MGMT: variants seen among roughly 807,000 people sequenced by gnomAD.
The protein encoded by MGMT is methylated-DNA--protein-cysteine methyltransferase.
MGMT carries 14 observed loss-of-function variants against 15.9 expected under a neutral mutation model. The observed-to-expected ratio is 0.88, with a 90% confidence interval of 0.58 to 1.37. MGMT has a LOEUF of 1.37. MGMT is among the 40% of genes most tolerant of loss of function. The pLI is 0.00. For missense variants in MGMT, 282 were observed against 268.1 expected, an observed-to-expected ratio of 1.05 and a Z score of -0.36; for synonymous variants, 130 against 118.2, an observed-to-expected ratio of 1.10 and a Z score of -0.65.
intron 1 of MGMT, among the ~76,000 whole-genome samples, chr10:129,469,534 G>A (rs933999512): frequency 6.6e-6 from 1 of 152,148 alleles, no homozygotes; most frequent in South Asian, 2.1e-4. Context: ...TTTGACTTCC[G>A]TTTGGGACTC....
At position 129,659,410 on chromosome 10, in the gene MGMT, T is replaced by C. The variant is rs1847570518; in HGVS notation, c.126-48485T>C. ...GTAGCTGTCTCTGCCTGGGTTGTTTTCTAAATGCGTTTGGCTGGAGATAGA... is the reference window on the plus strand; with the variant it reads ...GTAGCTGTCTCTGCCTGGGTTGTTTCCTAAATGCGTTTGGCTGGAGATAGA... On this transcript the variant is annotated intron_variant, in intron 2 of 4. Transcript: ENST00000651593. This position sits in a 1 kb window ranked among gnomAD's most constrained non-coding sequence, Gnocchi z 4.1. 6.6e-6 allele frequency among the ~76,000 whole-genome samples: 1 copy of C among 151,604 alleles called. No individual in the cohort carries two copies. The highest frequency in any genetic ancestry group is 6.6e-5 in the Admixed American group (1 of 15,224).
intron 2 of MGMT, among the ~76,000 whole-genome samples, chr10:129,603,835 A>G (rs1398453148): frequency 6.6e-6 from 1 of 152,186 alleles, no homozygotes; most frequent in Non-Finnish European, 1.5e-5. Flanking sequence ...TTTTTATGTA[A>G]TTTGAAAGTA....
intron 2 of MGMT, among the ~76,000 whole-genome samples, chr10:129,689,272 T>C (rs532736358): frequency 6.5e-4 from 99 of 152,296 alleles, no homozygotes; most frequent in Non-Finnish European, 1.2e-3. Flanking sequence ...AGTCAGTCAC[T>C]TCTAGCTTTC....
intron 2 of MGMT, among the ~76,000 whole-genome samples, chr10:129,637,180 G>A (rs1589907262): frequency 6.6e-6 from 1 of 152,338 alleles, no homozygotes; most frequent in East Asian, 1.9e-4. Context: ...GCCTTCAAGA[G>A]TGTTTTTGTC....
intron 1 of MGMT, among the ~76,000 whole-genome samples, chr10:129,480,211 A>C (rs908312727): frequency 6.6e-6 from 1 of 152,124 alleles, no homozygotes; most frequent in South Asian, 2.1e-4. Context: ...ATTAAAAGGG[A>C]ATAGTGTTTT....
intron 1 of MGMT, among the ~76,000 whole-genome samples, chr10:129,520,454 A>T (rs1845790575): frequency 6.6e-6 from 1 of 152,046 alleles, no homozygotes; most frequent in African/African-American, 2.4e-5. Flanking sequence ...GCGAGTACAG[A>T]GCCCCTGTGG....
intron 1 of MGMT, among the ~76,000 whole-genome samples, chr10:129,477,547 T>C (rs1845309161): frequency 6.6e-6 from 1 of 152,138 alleles, no homozygotes; most frequent in African/African-American, 2.4e-5. Flanking sequence ...TTGATGGCCT[T>C]GGCAGAGAAA....
rs57838117 is a variant in MGMT at position 129,657,707 on chromosome 10, GCACACA to G, written c.126-50172_126-50167del. ...CACACACACACACACACACACACAC[GCACACA>G]CACACACACACACACCCCCTCTCCC... On this transcript the variant is annotated intron_variant, in intron 2 of 4. Coordinates refer to ENST00000651593, the MANE Select transcript of MGMT (RefSeq NM_002412.5). Among the ~76,000 whole-genome samples, 11 of 111,564 alleles carry G rather than the reference GCACACA, an allele frequency of 9.9e-5. No individual in the cohort carries two copies. In the South Asian group the frequency reaches 2.3e-3, roughly 24 times the overall value. 73.2% of individuals were successfully genotyped at this position (111,564 alleles called of 152,430 possible).
intron 1 of MGMT, among the ~76,000 whole-genome samples, chr10:129,528,662 T>C (rs1372526775): frequency 2.0e-5 from 3 of 149,714 alleles, no homozygotes; most frequent in Admixed American, 6.6e-5. Flanking sequence ...AGAACCGTGG[T>C]GGCGGAGTGG....
At chr10:129,526,689 G>A (rs1845874488) in intron 1 of MGMT, among the ~76,000 whole-genome samples, 1 of 152,182 alleles carries the variant, frequency 6.6e-6, no homozygotes, top group Admixed American at 6.5e-5. Flanking sequence ...CATTGCACAG[G>A]ATACCAGCAG....
intron 2 of MGMT, among the ~76,000 whole-genome samples, chr10:129,674,959 G>A (rs969345338): frequency 2.6e-5 from 4 of 152,232 alleles, no homozygotes; most frequent in African/African-American, 4.8e-5. Flanking sequence ...CACTGCCCAG[G>A]AGAAGTATGA....
chr10:129,726,424 G>A (rs1848435288), intron 3 of MGMT, among the ~76,000 whole-genome samples: 1 of 152,118 alleles, frequency 6.6e-6, no homozygotes. Context: ...CCGCCCATGG[G>A]TGTTGTGAGG....
rs1847573824 is a variant in MGMT, at chr10:129,659,668, G to C, written c.126-48227G>C. On this transcript the variant is annotated intron_variant, in intron 2 of 4. Transcript: ENST00000651593. This position sits in a 1 kb window ranked among gnomAD's most constrained non-coding sequence, Gnocchi z 4.1. Reference sequence around the variant, plus strand: ...GAATGACTGTGTGAAATTTTGAAGAGCAGTTTAGCCCGAAAATATTCCATG... The same window carrying C: ...GAATGACTGTGTGAAATTTTGAAGACCAGTTTAGCCCGAAAATATTCCATG... Among the ~76,000 whole-genome samples, 1 of 152,214 alleles carries C rather than the reference G, an allele frequency of 6.6e-6. No individual in the cohort carries two copies. Among genetic ancestry groups the C allele is most frequent in the Non-Finnish European group, 1.5e-5 (1 of 68,048 alleles).
At chr10:129,639,194 G>GA (rs901749664) in intron 2 of MGMT, among the ~76,000 whole-genome samples, 5 of 151,896 alleles carry the variant, frequency 3.3e-5, no homozygotes, top group South Asian at 4.2e-4. Flanking sequence ...TTGTTTAAGA[G>GA]AAAAAAATAG....
chr10:129,688,989 G>T (rs183609262), intron 2 of MGMT, among the ~76,000 whole-genome samples: 305 of 151,986 alleles, frequency 2.0e-3, no homozygotes, highest in Non-Finnish European at 2.7e-3. Flanking sequence ...ACAGGGTCTC[G>T]CTGTGTCACC....
At chr10:129,695,019 T>C (rs1848014364) in intron 2 of MGMT, among the ~76,000 whole-genome samples, 1 of 152,256 alleles carries the variant, frequency 6.6e-6, no homozygotes, top group Non-Finnish European at 1.5e-5. Context: ...TTTATTACTC[T>C]ATATCCTTGC....
At chr10:129,608,148 AC>A (rs2133066408) in intron 2 of MGMT, among the ~76,000 whole-genome samples, 1 of 152,350 alleles carries the variant, frequency 6.6e-6, no homozygotes, top group African/African-American at 2.4e-5. Flanking sequence ...TAGAAAAAAA[AC>A]GGGGTTGCCA....
At position 129,759,859 on chromosome 10, in the gene MGMT, A is replaced by G. The variant is rs570244457; in HGVS notation, c.414+518A>G. Among the ~76,000 whole-genome samples, 10 of 152,100 alleles carry G rather than the reference A, an allele frequency of 6.6e-5. No individual in the cohort carries two copies. The South Asian group carries it at 2.1e-3, about 32-fold the overall frequency. On this transcript the variant is annotated intron_variant, in intron 4 of 4. Transcript: ENST00000651593. Reference sequence around the variant, plus strand: ...AGGGCTCCCTGGGTCCCAAGAGCTAAAGCACCACACGTGAGCACACGAGGC... The same window carrying G: ...AGGGCTCCCTGGGTCCCAAGAGCTAGAGCACCACACGTGAGCACACGAGGC...
At chr10:129,520,107 T>C (rs1405365740) in intron 1 of MGMT, among the ~76,000 whole-genome samples, 1 of 152,220 alleles carries the variant, frequency 6.6e-6, no homozygotes. Flanking sequence ...CTGGTTTATC[T>C]GCGTGAGCTC....
Sources: allele counts gnomAD v4.1 joint callset (sites outside exome capture counted in the v4.1 genomes callset), GRCh38; gene constraint gnomAD v4.1.1; non-coding constraint Gnocchi (gnomAD v3.1); transcripts MANE v1.5; gene names NCBI Gene and HGNC (gene_info 2026-07-23, HGNC 2026-07-21).